The following AGAP1 variants were observed in gnomAD, a reference collection of about 807,000 sequenced individuals.
The protein encoded by AGAP1 is ArfGAP with GTPase domain, ankyrin repeat and PH domain 1, also known as arf-GAP with GTPase, ANK repeat and PH domain-containing protein 1.
A neutral mutation model predicts 105.3 loss-of-function variants in AGAP1; 29 were observed. That is an observed-to-expected ratio of 0.28 (90% CI 0.21 to 0.38). The LOEUF is 0.38. Among genes scored for constraint, AGAP1 ranks in the 10% least tolerant of loss-of-function variants. AGAP1 has a pLI of 1.00. For synonymous variants in AGAP1, 509 were observed against 485.9 expected, an observed-to-expected ratio of 1.05 and a Z score of -0.63; for missense variants, 998 against 1,165.1, an observed-to-expected ratio of 0.86 and a Z score of 2.09.
At chr2:236,043,029 A>T (rs934094070) in intron 15 of AGAP1, among the ~76,000 whole-genome samples, 3 of 152,214 alleles carry the variant, frequency 2.0e-5, no homozygotes, top group African/African-American at 4.8e-5. Flanking sequence ...CCAAAGCAGG[A>T]TTCAAACCCA....
intron 12 of AGAP1, among the ~76,000 whole-genome samples, chr2:235,935,630 G>T (rs1421968398): frequency 6.6e-6 from 1 of 152,234 alleles, no homozygotes; most frequent in Non-Finnish European, 1.5e-5. Flanking sequence ...AATCCTGGGT[G>T]AAAGAAATTG....
chr2:235,938,257 A>C (rs959213403), intron 12 of AGAP1, among the ~76,000 whole-genome samples: 2 of 152,238 alleles, frequency 1.3e-5, no homozygotes, highest in African/African-American at 4.8e-5. Context: ...GCTTCAGATG[A>C]GGAAGCAGGG....
chr2:235,873,248 T>G (rs919426246), intron 9 of AGAP1, among the ~76,000 whole-genome samples: 3 of 152,226 alleles, frequency 2.0e-5, no homozygotes, highest in African/African-American at 7.2e-5. Flanking sequence ...GTGTTCAGAA[T>G]TAATTTAAGC....
chr2:235,618,947 G>A (rs1474247095), intron 1 of AGAP1, among the ~76,000 whole-genome samples: 1 of 152,142 alleles, frequency 6.6e-6, no homozygotes, highest in Non-Finnish European at 1.5e-5. Context: ...ATAAAAGGAG[G>A]CAGTAAGAAT....
chr2:235,537,244 A>G (rs1246243620), intron 1 of AGAP1, among the ~76,000 whole-genome samples: 1 of 152,224 alleles, frequency 6.6e-6, no homozygotes, highest in Non-Finnish European at 1.5e-5. Flanking sequence ...GTGTGGGTGC[A>G]GGGGCACCTC....
intron 6 of AGAP1, among the ~76,000 whole-genome samples, chr2:235,772,997 C>CTA (rs1955577721): frequency 6.6e-6 from 1 of 152,190 alleles, no homozygotes; most frequent in Non-Finnish European, 1.5e-5. Flanking sequence ...GATCAACTTA[C>CTA]TATTGTTCCT....
At chr2:235,763,310 AAAATT>A (rs1036380059) in intron 6 of AGAP1, among the ~76,000 whole-genome samples, 1 of 152,156 alleles carries the variant, frequency 6.6e-6, no homozygotes, top group Non-Finnish European at 1.5e-5. Flanking sequence ...CAAAAAAAAA[AAAATT>A]AAAACACCCT....
chr2:235,496,777 G>A (rs915968193), intron 1 of AGAP1, among the ~76,000 whole-genome samples: 3 of 151,644 alleles, frequency 2.0e-5, no homozygotes, highest in African/African-American at 7.3e-5. Flanking sequence ...AAAAAAATGC[G>A]TCGTTCCTAG....
intron 3 of AGAP1, among the ~76,000 whole-genome samples, chr2:235,730,534 T>A (rs1211848425): frequency 1.4e-5 from 2 of 145,028 alleles, no homozygotes; most frequent in Non-Finnish European, 3.0e-5. Flanking sequence ...TGGGCTGGAG[T>A]GCAGTGGTGC....
At position 235,801,278 on chromosome 2, in the gene AGAP1, G is replaced by C. The variant is rs1957482262; in HGVS notation, c.957+1756G>C. ...TGACCTCTCTGGGCTGGAAACCATA[G>C]TACTTCTGCAGTGGGGCTTCCGGGA... On this transcript the variant is annotated intron_variant, in intron 8 of 17. Transcript: ENST00000304032. The surrounding 1 kb of genome is among the most constrained non-coding windows in gnomAD (Gnocchi z 6.0). Among the ~76,000 whole-genome samples the C allele has an allele frequency of 6.6e-6, 1 of 152,146 alleles. No homozygotes were observed. Among genetic ancestry groups the C allele is most frequent in the South Asian group, 2.1e-4 (1 of 4,830 alleles).
rs920807703 is a variant in AGAP1 at position 235,864,017 on chromosome 2, A to G, written c.1051-19328A>G. Among the ~76,000 whole-genome samples the G allele has an allele frequency of 6.6e-6, 1 of 152,196 alleles. No individual in the cohort carries two copies. The highest frequency in any genetic ancestry group is 1.5e-5 in the Non-Finnish European group (1 of 68,042). On this transcript the variant is annotated intron_variant, in intron 9 of 17. Coordinates refer to ENST00000304032, the MANE Select transcript of AGAP1 (RefSeq NM_001037131.3). The surrounding 1 kb of genome is among the most constrained non-coding windows in gnomAD (Gnocchi z 5.0). ...GAGGACTTGTAAATATTTTCCATAGATATAAAAGTCGACTTCATAGCTTGC... is the reference window on the plus strand; with the variant it reads ...GAGGACTTGTAAATATTTTCCATAGGTATAAAAGTCGACTTCATAGCTTGC...
intron 1 of AGAP1, among the ~76,000 whole-genome samples, chr2:235,619,724 G>A (rs1030460796): frequency 6.6e-6 from 1 of 152,180 alleles, no homozygotes; most frequent in Non-Finnish European, 1.5e-5. Flanking sequence ...GCCAAGAGGC[G>A]GCCAGCTGCT....
At chr2:235,671,465 G>A (rs1948423201) in intron 1 of AGAP1, among the ~76,000 whole-genome samples, 1 of 152,206 alleles carries the variant, frequency 6.6e-6, no homozygotes, top group Non-Finnish European at 1.5e-5. Flanking sequence ...TGCCTGGATG[G>A]GAGAAGCCGG....
At chr2:236,064,239 T>C (rs191075718) in intron 16 of AGAP1, among the ~76,000 whole-genome samples, 13 of 152,314 alleles carry the variant, frequency 8.5e-5, no homozygotes, top group African/African-American at 2.9e-4. Flanking sequence ...CATGGAGTTA[T>C]GGCTGCAAAT....
intron 13 of AGAP1, among the ~76,000 whole-genome samples, chr2:236,015,092 A>C (rs2056651455): frequency 6.6e-6 from 1 of 152,128 alleles, no homozygotes; most frequent in South Asian, 2.1e-4. Context: ...CAGCTTACTT[A>C]AATTTTGACC....
Position 235,705,259 on chromosome 2 carries a change from G to A in AGAP1, c.164-3920G>A, listed in dbSNP as rs531214207. On this transcript the variant is annotated intron_variant, in intron 1 of 17. Transcript: ENST00000304032. The surrounding 1 kb of genome is among the most constrained non-coding windows in gnomAD (Gnocchi z 4.9). ...CTCCTAAAGTGTTGGGATTACAGGC[G>A]TGAGCCACCACGCCTGGCCCAGACA... Among the ~76,000 whole-genome samples, 239 of 152,132 alleles carry A rather than the reference G, an allele frequency of 1.6e-3. No individual in the cohort carries two copies. The highest frequency in any genetic ancestry group is 5.5e-3 in the African/African-American group (229 of 41,508).
chr2:235,935,995 C>A (rs958445189), intron 12 of AGAP1, among the ~76,000 whole-genome samples: 1 of 152,224 alleles, frequency 6.6e-6, no homozygotes, highest in Non-Finnish European at 1.5e-5. Context: ...CCCGCTGGCT[C>A]CTGCCTGGGC....
In AGAP1 at chr2:236,119,558, C is replaced by T. The variant is rs960983937; in HGVS notation, c.2115-634C>T. Among the ~76,000 whole-genome samples the T allele has an allele frequency of 2.0e-5, 3 of 152,080 alleles. No homozygotes were observed. Among genetic ancestry groups the T allele is most frequent in the Non-Finnish European group, 2.9e-5 (2 of 68,016 alleles). On this transcript the variant is annotated intron_variant, in intron 16 of 17. Coordinates refer to ENST00000304032, the MANE Select transcript of AGAP1 (RefSeq NM_001037131.3). This position sits in a 1 kb window ranked among gnomAD's most constrained non-coding sequence, Gnocchi z 6.6. ...CATGGTCACCCCCAGGTGTGGGGAG[C>T]GCACCGGCTGTCCCTTCCCCCCACC...
Position 235,740,941 on chromosome 2 carries a change from A to C in AGAP1, c.311-22A>C. ...CACTCTCTGTTGTTCTCGTGTAACG[A>C]GATGTTTTGTGTGTGTGGCAGGTGG... On this transcript the variant is annotated intron_variant, in intron 3 of 17. Coordinates refer to ENST00000304032, the MANE Select transcript of AGAP1 (RefSeq NM_001037131.3). The surrounding 1 kb of genome is among the most constrained non-coding windows in gnomAD (Gnocchi z 5.7). 1 of 1,613,990 alleles carries C rather than the reference A, an allele frequency of 6.2e-7. No homozygotes were observed.
Sources: gnomAD v4.1 joint callset for allele counts (sites outside exome capture counted in the v4.1 genomes callset) on GRCh38, gnomAD v4.1.1 for gene constraint, Gnocchi (gnomAD v3.1) non-coding constraint, MANE v1.5 for transcripts, NCBI Gene and HGNC (gene_info 2026-07-23, HGNC 2026-07-21) for gene names.